The following ODAD4 variants were observed in gnomAD, a reference collection of about 807,000 sequenced individuals.
ODAD4 encodes the protein outer dynein arm docking complex subunit 4.
ODAD4 carries 49 observed loss-of-function variants against 51.8 expected under a neutral mutation model. The ratio of observed to expected loss-of-function variants is 0.95; its 90% confidence interval spans 0.75 to 1.20. ODAD4 has a LOEUF of 1.20. ODAD4 is among the 50% of genes most tolerant of loss of function. ODAD4 has a pLI of 0.00. For synonymous variants in ODAD4, 235 were observed against 221.3 expected (o/e 1.06, Z -0.55); for missense variants, 590 against 586.5 (o/e 1.01, Z -0.06).
intron 11 of ODAD4, 97 bp downstream of exon 11, chr17:41,961,563 G>A: frequency 1.5e-6 from 1 of 688,496 alleles, no homozygotes; most frequent in Non-Finnish European, 2.7e-6. Flanking sequence ...TCCCCAATCT[G>A]GGGGCTTGGC....
In ODAD4 at chr17:41,955,306, G is replaced by A. The variant is rs782126150; in HGVS notation, c.1432G>A (p.Ala478Thr). 13 of 778,124 alleles carry A rather than the reference G, an allele frequency of 1.7e-5. No homozygotes were observed. Among genetic ancestry groups the A allele is most frequent in the South Asian group, 1.6e-4 (12 of 74,076 alleles). The allele number at this position is 778,124 out of a possible 1,614,324, so 48.2% of individuals were successfully genotyped here. A position where few individuals can be genotyped will look rare whatever the true frequency, so the allele number is the denominator to read the frequency against. The stretch of plus-strand genomic sequence containing the variant: ...TGTGCATAACAACGAGGCGCAGCAG[G>A]CCATCATCAGTGTGAGCCTTTCCAC... ...KLVHNNEAQQAIISALDDANK... is the reference protein window; with the variant it reads ...KLVHNNEAQQTIISALDDANK... The change falls in exon 10 of 12, where the codon GCC becomes ACC. Residue 478 changes from alanine to threonine, a missense_variant. By Grantham distance (58) the Ala-to-Thr change is moderately conservative. This residue lies in a region of ODAD4 where 226 missense variants were observed against 162.7 expected (regional missense o/e 1.39). Coordinates refer to ENST00000377540, the MANE Select transcript of ODAD4 (RefSeq NM_031421.5).
chr17:41,965,359 CAGA>C lies in ODAD4; in HGVS notation c.1900_1902del (p.Glu634del). 1.3e-6 allele frequency: 1 copy of C among 780,454 alleles called. No homozygotes were observed. The highest frequency in any genetic ancestry group is 2.4e-6 in the Non-Finnish European group (1 of 417,912). 48.3% of individuals were successfully genotyped at this position (780,454 alleles called of 1,614,324 possible). ...TCAGGAGAATTCAGCAGACAGGAAC[CAGA>C]AGAACTAAAGAAACTTTCAGAAGTG... On this transcript the variant is annotated inframe_deletion, in exon 12 of 12. Coordinates refer to ENST00000377540, the MANE Select transcript of ODAD4 (RefSeq NM_031421.5).
intron 11 of ODAD4, among the ~76,000 whole-genome samples, chr17:41,961,733 T>C (rs1348550368): frequency 6.6e-6 from 1 of 152,210 alleles, no homozygotes; most frequent in Non-Finnish European, 1.5e-5. Context: ...TGGTGAGCAC[T>C]TGTCATGTAC....
chr17:41,964,946 C>G (rs782258512), intron 11 of ODAD4, 47 bp from the exon 12 acceptor site: 6 of 661,308 alleles, frequency 9.1e-6, no homozygotes, highest in Non-Finnish European at 1.4e-5. Flanking sequence ...CCCGGCCTGA[C>G]ATGAACAAAC....
chr17:41,961,543 C>T (rs781960547), intron 11 of ODAD4, 77 bp downstream of exon 11: 14 of 702,184 alleles, frequency 2.0e-5, no homozygotes, highest in East Asian at 1.1e-4. Context: ...GAGACACATG[C>T]GACAGCAGCT....
At position 41,965,236 on chromosome 17, in the gene ODAD4, C is replaced by A; in HGVS notation, c.1772C>A (p.Thr591Lys). ...AAGGGCCTGTCAGGAGAATTAGGCA[C>A]AAGATCAGGAGAAACAGGCAGGAAG... is the stretch of plus-strand genomic sequence containing the variant. Reference protein sequence around the residue: ...VAKGLSGELGTRSGETGRKLL... With the variant: ...VAKGLSGELGKRSGETGRKLL... Residue 591 changes from threonine to lysine, a missense_variant, in exon 12 of 12, where the codon ACA becomes AAA. Around this residue, in one of 3 missense-constraint regions of ODAD4, gnomAD observed 226 missense variants for 162.7 expected, o/e 1.39. Transcript: ENST00000377540. The A allele has an allele frequency of 1.3e-6, 1 of 776,372 alleles. No homozygotes were observed. The highest frequency in any genetic ancestry group is 2.4e-6 in the Non-Finnish European group (1 of 415,992). 48.1% of individuals were successfully genotyped at this position (776,372 alleles called of 1,614,324 possible).
intron 7 of ODAD4, among the ~76,000 whole-genome samples, chr17:41,944,426 ACACACACACACACACACACC>A (rs1333449262): frequency 0.036 from 331 of 9,216 alleles, 15 homozygotes; most frequent in African/African-American, 0.066. Flanking sequence ...ACACACACAC[ACACACACACACACACACACC>A]CCCCCGCATA....
chr17:41,961,067 A>G (rs1163649290), intron 10 of ODAD4, among the ~76,000 whole-genome samples: 1 of 152,214 alleles, frequency 6.6e-6, no homozygotes, highest in Non-Finnish European at 1.5e-5. Flanking sequence ...CATTGACTGA[A>G]GCCAAAAGCA....
At chr17:41,938,110 T>A (rs782248328) in intron 5 of ODAD4, among the ~76,000 whole-genome samples, 9 of 152,214 alleles carry the variant, frequency 5.9e-5, no homozygotes, top group Non-Finnish European at 8.8e-5. Context: ...GGCTGTAACC[T>A]CTGGCCAGGC....
chr17:41,938,796 C>A lies in ODAD4; in HGVS notation c.850+15C>A. ...CATTGATATGTGTAGGTGTTGTTCT[C>A]AGAGGGTGGGGCAGGTGCCTCCAGT... is the stretch of plus-strand genomic sequence containing the variant. On this transcript the variant is annotated intron_variant, in intron 6 of 11. Transcript: ENST00000377540. The A allele has an allele frequency of 6.2e-7, 1 of 1,610,820 alleles. No homozygotes were observed. Among genetic ancestry groups the A allele is most frequent in the South Asian group, 1.1e-5 (1 of 91,002 alleles).
At chr17:41,930,876 C>T (rs1246436750) in intron 1 of ODAD4, 39 bp downstream of exon 1, 6 of 522,094 alleles carry the variant, frequency 1.1e-5, no homozygotes, top group African/African-American at 2.4e-5. Context: ...CCCCATCACC[C>T]GTCACTTTTT....
intron 9 of ODAD4, among the ~76,000 whole-genome samples, chr17:41,950,265 C>G (rs1036280219): frequency 1.3e-5 from 2 of 151,548 alleles, no homozygotes; most frequent in Non-Finnish European, 1.5e-5. Context: ...CCACCACACC[C>G]AGCCAGCATT....
chr17:41,936,674 G>C, intron 4 of ODAD4, 88 bp from the exon 5 acceptor site: 1 of 1,559,434 alleles, frequency 6.4e-7, no homozygotes, highest in South Asian at 1.1e-5. Context: ...TGGAGTTGGA[G>C]GAATCTGGGA....
intron 10 of ODAD4, among the ~76,000 whole-genome samples, chr17:41,955,908 G>C (rs1353782494): frequency 1.3e-5 from 2 of 151,852 alleles, no homozygotes; most frequent in African/African-American, 2.4e-5. Context: ...GACCTCCTGG[G>C]CTCAAGTTAT....
chr17:41,938,993 T>A lies in ODAD4; in HGVS notation c.879T>A (p.Ser293Arg), dbSNP rs782375523. The A allele has an allele frequency of 6.2e-7, 1 of 1,611,112 alleles. No homozygotes were observed. The highest frequency in any genetic ancestry group is 1.1e-5 in the South Asian group (1 of 90,628). ...TCACAAGTGGCAGTGCTGAAGGGAG[T>A]CTTCAGAAAGCTGAGAAAGTGCTGA... Reference protein sequence around the residue: ...MLLTSGSAEGSLQKAEKVLKK... With the variant: ...MLLTSGSAEGRLQKAEKVLKK... Residue 293 changes from serine (S) to arginine (R), a missense_variant, in exon 7 of 12, where the codon AGT (serine) becomes AGA (arginine). Coordinates refer to ENST00000377540, the MANE Select transcript of ODAD4 (RefSeq NM_031421.5).
rs1345876850 is a variant in ODAD4 at position 41,965,453 on chromosome 17, A to G, written c.1989A>G (p.Thr663=). 1.6e-5 allele frequency: 12 copies of G among 773,914 alleles called. No individual in the cohort carries two copies. Among genetic ancestry groups the G allele is most frequent in the Non-Finnish European group, 2.6e-5 (11 of 416,546 alleles). 47.9% of individuals were successfully genotyped at this position (773,914 alleles called of 1,614,324 possible). A position where few individuals can be genotyped will look rare whatever the true frequency, so the allele number is the denominator to read the frequency against. ...GAGAAATAGGAGAAACGAAAAAAAC[A>G]GGAAATGAGATGGAAAAGGAATATG... The part of the protein sequence containing the change: ...QFGEIGETKK[T]GNEMEKEYE The change falls in exon 12 of 12, where the codon ACA becomes ACG. Residue 663 remains threonine, a synonymous_variant. Transcript: ENST00000377540.
intron 11 of ODAD4, among the ~76,000 whole-genome samples, chr17:41,963,368 T>A (rs2050830972): frequency 6.6e-6 from 1 of 152,208 alleles, no homozygotes; most frequent in Non-Finnish European, 1.5e-5. Flanking sequence ...GAACTTTTTG[T>A]TAGCAGCGTA....
chr17:41,954,879 C>A, intron 9 of ODAD4: 1 of 261,234 alleles, frequency 3.8e-6, no homozygotes, highest in African/African-American at 2.3e-5. Context: ...ATTCGTCTTC[C>A]AGAACAATCT....
intron 8 of ODAD4, among the ~76,000 whole-genome samples, chr17:41,948,591 A>G (rs1163890169): frequency 6.6e-6 from 1 of 151,978 alleles, no homozygotes; most frequent in Non-Finnish European, 1.5e-5. Flanking sequence ...GGTTACAGGA[A>G]TGAGCCACCA....
Sources: gnomAD v4.1 joint callset for allele counts (sites outside exome capture counted in the v4.1 genomes callset) on GRCh38, gnomAD v4.1.1 for gene constraint, gnomAD v4.1.1 regional missense constraint, MANE v1.5 for transcripts, NCBI Gene and HGNC (gene_info 2026-07-23, HGNC 2026-07-21) for gene names.